The following SNTG1 variants were observed in gnomAD, a reference collection of about 807,000 sequenced individuals.
The protein encoded by SNTG1 is syntrophin gamma 1, also known as gamma-1-syntrophin.
Under a neutral mutation model 74.7 loss-of-function variants are expected in SNTG1, and 39 were observed. That is an observed-to-expected ratio of 0.52 (90% CI 0.40 to 0.68). The LOEUF is 0.68. SNTG1 is among the 30% of genes least tolerant of loss of function. The pLI is 0.00. For synonymous variants in SNTG1, 254 were observed against 217.1 expected, an observed-to-expected ratio of 1.17 and a Z score of -1.49; for missense variants, 685 against 609.5, an observed-to-expected ratio of 1.12 and a Z score of -1.30.
intron 18 of SNTG1, among the ~76,000 whole-genome samples, chr8:50,764,073 G>T (rs1409067846): frequency 6.6e-6 from 1 of 151,518 alleles, no homozygotes; most frequent in Non-Finnish European, 1.5e-5. Flanking sequence ...AATACAAAAT[G>T]GGAAAAGAAC....
At chr8:50,043,969 G>A (rs1019378197) in intron 1 of SNTG1, among the ~76,000 whole-genome samples, 1 of 152,020 alleles carries the variant, frequency 6.6e-6, no homozygotes, top group Non-Finnish European at 1.5e-5. Context: ...CTGGTTTAGG[G>A]AAAAATAAAT....
chr8:50,472,183 G>A (rs1230303462), intron 8 of SNTG1, among the ~76,000 whole-genome samples: 1 of 152,016 alleles, frequency 6.6e-6, no homozygotes, highest in Non-Finnish European at 1.5e-5. Context: ...CTGAGAAATA[G>A]AAAACTCCAT....
intron 2 of SNTG1, among the ~76,000 whole-genome samples, chr8:50,309,526 A>C (rs1205145321): frequency 6.6e-6 from 1 of 152,202 alleles, no homozygotes; most frequent in Non-Finnish European, 1.5e-5. Flanking sequence ...TACTTCAACG[A>C]GATGAGTGGG....
chr8:50,075,375 C>T (rs1821764961), intron 1 of SNTG1, among the ~76,000 whole-genome samples: 2 of 152,202 alleles, frequency 1.3e-5, no homozygotes, highest in African/African-American at 4.8e-5. Flanking sequence ...TGTATATGCA[C>T]CAATCAGCAC....
Position 50,722,301 on chromosome 8 carries a change from A to G in SNTG1, c.1284+13323A>G, listed in dbSNP as rs2095489746. Among the ~76,000 whole-genome samples the G allele has an allele frequency of 2.6e-5, 4 of 151,916 alleles. No homozygotes were observed. In the South Asian group the frequency reaches 8.3e-4, roughly 32 times the overall value. On this transcript the variant is annotated intron_variant, in intron 17 of 18. Transcript: ENST00000642720. Reference sequence around the variant, plus strand: ...GCAATTCTCCTGCCTCAGCCTCCCGAGTAGCTGGGACTACAGGTGTGTGCC... The same window carrying G: ...GCAATTCTCCTGCCTCAGCCTCCCGGGTAGCTGGGACTACAGGTGTGTGCC...
rs1215430912 is a variant in SNTG1, at chr8:49,970,935, C to T, written c.-103+58704C>T. The stretch of plus-strand genomic sequence containing the variant: ...AGAGTCTGGCTGATGAATTCTACCA[C>T]AGGTACAAGGAGGAGCTGGTACCAT... On this transcript the variant is annotated intron_variant, in intron 1 of 18. Transcript: ENST00000642720. Among the ~76,000 whole-genome samples, 3 of 152,130 alleles carry T rather than the reference C, an allele frequency of 2.0e-5. No individual in the cohort carries two copies. In the East Asian group the frequency reaches 5.8e-4, roughly 29 times the overall value.
At chr8:50,609,796 GT>G (rs1364882651) in intron 13 of SNTG1, among the ~76,000 whole-genome samples, 3 of 151,716 alleles carry the variant, frequency 2.0e-5, no homozygotes, top group Non-Finnish European at 2.9e-5. Context: ...TTTCCTGGCT[GT>G]TTTCTATTCT....
chr8:50,777,822 A>T (rs2095645502), intron 18 of SNTG1, among the ~76,000 whole-genome samples: 1 of 152,018 alleles, frequency 6.6e-6, no homozygotes, highest in African/African-American at 2.4e-5. Flanking sequence ...ATTTAGCATT[A>T]GGTATATCTC....
At chr8:49,960,444 T>G (rs1279956665) in intron 1 of SNTG1, among the ~76,000 whole-genome samples, 1 of 152,156 alleles carries the variant, frequency 6.6e-6, no homozygotes. Flanking sequence ...TATACAGAAT[T>G]GATTGCTAAA....
intron 1 of SNTG1, among the ~76,000 whole-genome samples, chr8:50,157,992 G>C (rs1451377105): frequency 6.6e-6 from 1 of 152,048 alleles, no homozygotes; most frequent in East Asian, 1.9e-4. Flanking sequence ...GGCATTCCTG[G>C]CTTATGTCAA....
chr8:50,131,922 G>A (rs1041323259), intron 1 of SNTG1, among the ~76,000 whole-genome samples: 13 of 151,934 alleles, frequency 8.6e-5, no homozygotes, highest in Non-Finnish European at 1.5e-5. Flanking sequence ...GTTTTGATTT[G>A]CATTTCTCTG....
intron 2 of SNTG1, among the ~76,000 whole-genome samples, chr8:50,209,860 C>A (rs371028075): frequency 3.9e-5 from 6 of 152,150 alleles, no homozygotes; most frequent in African/African-American, 1.4e-4. Flanking sequence ...CGGAACAAAG[C>A]TGGATGGAGA....
intron 2 of SNTG1, among the ~76,000 whole-genome samples, chr8:50,175,656 C>A (rs1468783416): frequency 6.6e-6 from 1 of 152,154 alleles, no homozygotes; most frequent in African/African-American, 2.4e-5. Context: ...TAAATCCTGA[C>A]TAAAGCCCAA....
At chr8:50,700,444 G>T (rs148711247) in intron 15 of SNTG1, among the ~76,000 whole-genome samples, 1 of 152,102 alleles carries the variant, frequency 6.6e-6, no homozygotes, top group East Asian at 1.9e-4. Context: ...TCTGATAAAG[G>T]AACCCCTGCT....
In SNTG1 at chr8:50,058,764, A is replaced by G. The variant is rs200988001; in HGVS notation, c.-102-113797A>G. Among the ~76,000 whole-genome samples the G allele has an allele frequency of 8.9e-4, 130 of 145,722 alleles. 2 individuals are homozygous for G. The highest frequency in any genetic ancestry group is 7.0e-3 in the Middle Eastern group (2 of 286). On this transcript the variant is annotated intron_variant, in intron 1 of 18. Coordinates refer to ENST00000642720, the MANE Select transcript of SNTG1 (RefSeq NM_018967.5). Reference sequence around the variant, plus strand: ...TGTGTGTGTGTGTGTGTGTGTGTGTATGTGTGTTTAGTGCCATGCAATTTT... The same window carrying G: ...TGTGTGTGTGTGTGTGTGTGTGTGTGTGTGTGTTTAGTGCCATGCAATTTT...
At chr8:50,146,854 A>ATT (rs2081888632) in intron 1 of SNTG1, among the ~76,000 whole-genome samples, 1 of 151,682 alleles carries the variant, frequency 6.6e-6, no homozygotes, top group African/African-American at 2.4e-5. Flanking sequence ...TCTTGTGATG[A>ATT]TTTTTTGTTC....
rs1286106426 is a variant in SNTG1, at chr8:50,767,263, A to G, written c.1395+15152A>G. 4.6e-5 allele frequency among the ~76,000 whole-genome samples: 7 copies of G among 151,990 alleles called. No individual in the cohort carries two copies. The East Asian group carries it at 1.4e-3, about 29-fold the overall frequency. ...GGGGAATATTATTGCATGAGCCACC[A>G]TATGTATTACAACATTAAACATTCC... On this transcript the variant is annotated intron_variant, in intron 18 of 18. Transcript: ENST00000642720.
chr8:50,647,811 G>A (rs2131213528), intron 13 of SNTG1, among the ~76,000 whole-genome samples: 1 of 152,058 alleles, frequency 6.6e-6, no homozygotes, highest in East Asian at 1.9e-4. Flanking sequence ...GTCATTTAAT[G>A]TATTTAGGGA....
chr8:50,206,813 A>C (rs916643814), intron 2 of SNTG1, among the ~76,000 whole-genome samples: 1 of 152,262 alleles, frequency 6.6e-6, no homozygotes, highest in Admixed American at 6.5e-5. Context: ...TTCTGCATCT[A>C]TTGAGACAAT....
Sources: allele counts gnomAD v4.1 joint callset (sites outside exome capture counted in the v4.1 genomes callset), GRCh38; gene constraint gnomAD v4.1.1; transcripts MANE v1.5; gene names NCBI Gene and HGNC (gene_info 2026-07-23, HGNC 2026-07-21).